The following CA5A variants were observed in gnomAD, a reference collection of about 807,000 sequenced individuals.
CA5A encodes carbonic anhydrase 5A, mitochondrial.
CA5A carries 28 observed loss-of-function variants against 37.1 expected under a neutral mutation model. The observed-to-expected ratio is 0.75, with a 90% CI of 0.56 to 1.03. CA5A has a LOEUF of 1.03. Among genes scored for constraint, CA5A ranks in the 50% least tolerant of loss-of-function variants. The probability of loss-of-function intolerance (pLI) is 0.00; values close to 1 mark genes in which losing one functional copy is unlikely to be tolerated. For synonymous variants in CA5A, 171 were observed against 158.4 expected (o/e 1.08, Z -0.60); for missense variants, 444 against 399.9 (o/e 1.11, Z -0.94).
At chr16:87,919,498 C>T (rs1454136749) in intron 2 of CA5A, among the ~76,000 whole-genome samples, 80 of 152,302 alleles carry the variant, frequency 5.3e-4, no homozygotes, top group South Asian at 1.5e-3. Flanking sequence ...CGGCCACCTT[C>T]GCCCCATCAG....
intron 3 of CA5A, among the ~76,000 whole-genome samples, chr16:87,904,408 A>G (rs1250174829): frequency 2.0e-5 from 3 of 152,162 alleles, no homozygotes; most frequent in African/African-American, 4.8e-5. Flanking sequence ...CTCTATTGCA[A>G]AGATGTTCAG....
At chr16:87,934,856 A>G (rs976707225) in intron 1 of CA5A, among the ~76,000 whole-genome samples, 3 of 152,104 alleles carry the variant, frequency 2.0e-5, no homozygotes, top group Non-Finnish European at 2.9e-5. Context: ...GCTACTTGGG[A>G]GGCTGAGTCA....
At chr16:87,919,798 G>A (rs1009824524) in intron 2 of CA5A, among the ~76,000 whole-genome samples, 4 of 152,200 alleles carry the variant, frequency 2.6e-5, no homozygotes, top group African/African-American at 9.7e-5. Flanking sequence ...AGGAAGGCAG[G>A]GGGCAGCGGC....
chr16:87,889,804 G>A (rs1359296574), intron 6 of CA5A, among the ~76,000 whole-genome samples: 4 of 152,082 alleles, frequency 2.6e-5, no homozygotes, highest in Non-Finnish European at 1.5e-5. Context: ...AATAAAAAAA[G>A]ACTTTTTATG....
Position 87,891,824 on chromosome 16 carries a change from T to C in CA5A, c.749A>G (p.Glu250Gly), listed in dbSNP as rs146136907. The change falls in exon 6 of 7, where the codon GAG becomes GGG. Residue 250 changes from glutamate (E) to glycine (G), a missense_variant. By Grantham distance (98) the Glu-to-Gly change is moderately conservative (BLOSUM62 -2). Transcript: ENST00000649794. ...CTGGCTTGGGGCCACTTCAACGGGC[T>C]CCTTCTGGATGATCCAGGTGACCGA... ...TESVTWIIQKEPVEVAPSQLS... is the reference protein window; with the variant it reads ...TESVTWIIQKGPVEVAPSQLS... The C allele has an allele frequency of 6.3e-3, 9,702 of 1,548,872 alleles. 38 individuals are homozygous for C. The highest frequency in any genetic ancestry group is 7.9e-3 in the Non-Finnish European group (9,143 of 1,151,648).
At chr16:87,893,404 G>A in intron 5 of CA5A, 1 of 474,898 alleles carries the variant, frequency 2.1e-6, no homozygotes, top group Non-Finnish European at 4.2e-6. Flanking sequence ...TGGGATTACA[G>A]GCGTGAGCCA....
intron 6 of CA5A, 79 bp downstream of exon 6, chr16:87,891,720 G>A (rs1257711473): frequency 8.1e-7 from 1 of 1,233,164 alleles, no homozygotes; most frequent in East Asian, 2.9e-5. Context: ...ACGCTCTCAT[G>A]CAGCATCTTA....
rs760042468 is a variant in CA5A at position 87,888,179 on chromosome 16, G to A, written c.868C>T (p.Arg290Trp). 49 of 1,613,786 alleles carry A rather than the reference G, an allele frequency of 3.0e-5. No homozygotes were observed. Among genetic ancestry groups the A allele is most frequent in the East Asian group, 6.7e-5 (3 of 44,888 alleles). The change falls in exon 7 of 7, where the codon CGG becomes TGG. Residue 290 changes from arginine to tryptophan, a missense_variant. By Grantham distance (101) the Arg-to-Trp change is moderately radical (BLOSUM62 -3). Coordinates refer to ENST00000649794, the MANE Select transcript of CA5A (RefSeq NM_001739.2). ...GCCTGGAAGGACGCCCAGACCTTCC[G>A]GTTCATCAAGGGTTGAAGTGGGCGA... is the stretch of plus-strand genomic sequence containing the variant. ...NYRPLQPLMN[R>W]KVWASFQATN... is the part of the protein sequence containing the mutation.
chr16:87,931,770 T>A (rs1178795964), intron 1 of CA5A, among the ~76,000 whole-genome samples: 2 of 152,176 alleles, frequency 1.3e-5, no homozygotes, highest in Admixed American at 1.3e-4. Flanking sequence ...TGGGAAACAG[T>A]GGGCCCTGCG....
At chr16:87,903,037 G>GC (rs201984240) in intron 3 of CA5A, among the ~76,000 whole-genome samples, 7,170 of 134,534 alleles carry the variant, frequency 0.053, 221 homozygotes, top group Middle Eastern at 0.16. Context: ...TCTTCCTGGT[G>GC]GGGGGGGAAA....
At chr16:87,921,300 G>A (rs190958542) in intron 2 of CA5A, among the ~76,000 whole-genome samples, 97 of 152,302 alleles carry the variant, frequency 6.4e-4, no homozygotes, top group African/African-American at 2.2e-3. Flanking sequence ...TTAAAAAGAG[G>A]CTTATTAGTA....
intron 2 of CA5A, among the ~76,000 whole-genome samples, chr16:87,918,660 G>T (rs1232605536): frequency 6.6e-6 from 1 of 152,226 alleles, no homozygotes; most frequent in East Asian, 1.9e-4. Flanking sequence ...TCTGCACCTT[G>T]TCCGCTCCCT....
intron 2 of CA5A, among the ~76,000 whole-genome samples, chr16:87,919,233 C>T (rs1050981754): frequency 6.6e-6 from 1 of 152,206 alleles, no homozygotes; most frequent in African/African-American, 2.4e-5. Context: ...CCGAGGTCAG[C>T]TCGGGGTCCA....
At chr16:87,929,265 A>G (rs2056362664) in intron 1 of CA5A, among the ~76,000 whole-genome samples, 1 of 150,704 alleles carries the variant, frequency 6.6e-6, no homozygotes, top group South Asian at 2.1e-4. Flanking sequence ...CAGCCTGGCC[A>G]ACATGGTAAA....
intron 5 of CA5A, among the ~76,000 whole-genome samples, chr16:87,896,052 G>A (rs2055797810): frequency 6.6e-6 from 1 of 152,150 alleles, no homozygotes; most frequent in Non-Finnish European, 1.5e-5. Flanking sequence ...ACATCCCCAG[G>A]GCACAGATGT....
rs756294988 is a variant in CA5A at position 87,901,902 on chromosome 16, T to C, written c.618+10A>G. 9.9e-6 allele frequency: 16 copies of C among 1,611,186 alleles called. No homozygotes were observed. The East Asian group carries it at 2.2e-4, about 22-fold the overall frequency. On this transcript the variant is annotated intron_variant, in intron 5 of 6. Coordinates refer to ENST00000649794, the MANE Select transcript of CA5A (RefSeq NM_001739.2). ...GCGCCCGGCCTGCTGATTTCAAATA[T>C]GCAGCTTACCTTATGTTTTATTTCC...
At chr16:87,929,214 G>A (rs941425446) in intron 1 of CA5A, among the ~76,000 whole-genome samples, 1 of 151,658 alleles carries the variant, frequency 6.6e-6, no homozygotes. Context: ...TAGTTTGGGA[G>A]GCCAAGGTGG....
chr16:87,923,861 A>G, intron 2 of CA5A: 5 of 984,644 alleles, frequency 5.1e-6, no homozygotes, highest in Non-Finnish European at 6.0e-6. Context: ...ATTGTTCTCA[A>G]AATTACTAAT....
At chr16:87,925,906 C>G (rs1038759134) in intron 2 of CA5A, among the ~76,000 whole-genome samples, 10 of 152,152 alleles carry the variant, frequency 6.6e-5, no homozygotes, top group African/African-American at 2.4e-4. Flanking sequence ...TCTGTCCTCA[C>G]AGCAGCTGTG....
Sources: allele counts gnomAD v4.1 joint callset (sites outside exome capture counted in the v4.1 genomes callset), GRCh38; gene constraint gnomAD v4.1.1; transcripts MANE v1.5; gene names NCBI Gene and HGNC (gene_info 2026-07-23, HGNC 2026-07-21).